Variants in FKBP11 observed in about 807,000 individuals in gnomAD.
FKBP11 encodes the protein peptidyl-prolyl cis-trans isomerase FKBP11.
Under a neutral mutation model 24.7 loss-of-function variants are expected in FKBP11, and 21 were observed. That is an observed-to-expected ratio of 0.85 (90% CI 0.60 to 1.23). The LOEUF (loss-of-function observed/expected upper bound fraction) is 1.23. FKBP11 is among the 50% of genes most tolerant of loss of function. The pLI, the probability that FKBP11 is intolerant of heterozygous loss-of-function variation, is 0.00. For synonymous variants in FKBP11, 106 were observed against 100.6 expected (o/e 1.05, Z -0.32); for missense variants, 245 against 248.7 (o/e 0.99, Z 0.10).
At chr12:48,932,246 T>TAC in the FKBP11 span, among the ~76,000 whole-genome samples, 11 of 35,880 alleles carry the variant, frequency 3.1e-4, no homozygotes, top group Non-Finnish European at 6.0e-4. Context: ...TATATATATA[T>TAC]ATATATATAT....
upstream of FKBP11, among the ~76,000 whole-genome samples, chr12:48,931,128 T>TA (rs35482677): frequency 0.046 from 1,648 of 36,124 alleles, 316 homozygotes; most frequent in Middle Eastern, 0.19. Context: ...GACTCCAGCT[T>TA]AAAAAAAAAA....
At chr12:48,934,875 G>A in the FKBP11 span, among the ~76,000 whole-genome samples, 1 of 151,958 alleles carries the variant, frequency 6.6e-6, no homozygotes, top group Non-Finnish European at 1.5e-5. Flanking sequence ...AGCCGGGTGT[G>A]GTGGCGCATG....
chr12:48,928,525 G>T (rs1179776602), upstream of FKBP11, among the ~76,000 whole-genome samples: 1 of 152,084 alleles, frequency 6.6e-6, no homozygotes, highest in Non-Finnish European at 1.5e-5. Context: ...TCTTGCCCAG[G>T]CTGGAGTGTA....
At chr12:48,924,986 CGT>C in intron 2 of FKBP11, 58 bp downstream of exon 2, 1 of 1,559,540 alleles carries the variant, frequency 6.4e-7, no homozygotes, top group Non-Finnish European at 8.7e-7. Context: ...CCAAAGCTGA[CGT>C]GTTTCAGCAG....
the FKBP11 span, among the ~76,000 whole-genome samples, chr12:48,935,330 C>T: frequency 6.6e-6 from 1 of 152,260 alleles, no homozygotes; most frequent in South Asian, 2.1e-4. Flanking sequence ...AAATTATATG[C>T]TTCACACTGG....
chr12:48,922,419 G>T, intron 5 of FKBP11: 1 of 703,826 alleles, frequency 1.4e-6, no homozygotes, highest in Non-Finnish European at 2.1e-6. Flanking sequence ...CATGTGGCTT[G>T]GGTCCAGTGA....
the FKBP11 span, chr12:48,936,226 A>T: frequency 6.6e-6 from 1 of 152,670 alleles, no homozygotes; most frequent in Non-Finnish European, 1.5e-5. Context: ...AACAAGTTTA[A>T]TTTCCAACCA....
chr12:48,930,121 G>A (rs1484535446), upstream of FKBP11, among the ~76,000 whole-genome samples: 1 of 152,168 alleles, frequency 6.6e-6, no homozygotes, highest in East Asian at 1.9e-4. Flanking sequence ...ATTCTAGACA[G>A]TATGTTTTAC....
upstream of FKBP11, among the ~76,000 whole-genome samples, chr12:48,929,119 G>T (rs1042429277): frequency 6.6e-6 from 1 of 150,718 alleles, no homozygotes; most frequent in African/African-American, 2.4e-5. Flanking sequence ...GAGCCACCGC[G>T]CCCGGCCTTT....
intron 4 of FKBP11, 84 bp from the exon 5 acceptor site, chr12:48,923,936 C>T (rs776503602): frequency 7.4e-7 from 1 of 1,354,732 alleles, no homozygotes; most frequent in African/African-American, 1.4e-5. Flanking sequence ...TTCAGCAAAA[C>T]CCCCTGAATC....
upstream of FKBP11, among the ~76,000 whole-genome samples, chr12:48,928,853 G>A (rs1940014439): frequency 9.0e-6 from 1 of 110,864 alleles, no homozygotes; most frequent in African/African-American, 3.6e-5. Context: ...GACAGAGTCT[G>A]ACTCTGTTGC....
intron 5 of FKBP11, 76 bp from the exon 6 acceptor site, chr12:48,922,277 G>A: frequency 4.4e-6 from 6 of 1,376,688 alleles, no homozygotes; most frequent in Non-Finnish European, 6.0e-6. Context: ...TGAAAATAGG[G>A]AGCGTAGGCC....
At position 48,922,111 on chromosome 12, in the gene FKBP11, A is replaced by C; in HGVS notation, c.479T>G (p.Val160Gly). Residue 160 changes from valine (V) to glycine (G), a missense_variant, in exon 6 of 6, where the codon GTA (valine) becomes GGA (glycine). Val to Gly is a moderately radical substitution (Grantham distance 109). Transcript: ENST00000550765. ...GAGGGCTGGCACCATGGCCATCCCTACCAGAGGCAAAATGCCCTTCACCAG... is the reference window on the plus strand; with the variant it reads ...GAGGGCTGGCACCATGGCCATCCCTCCCAGAGGCAAAATGCCCTTCACCAG... ...LKLVKGILPL[V>G]GMAMVPALLG... 1 of 1,614,202 alleles carries C rather than the reference A, an allele frequency of 6.2e-7. No individual in the cohort carries two copies. Among genetic ancestry groups the C allele is most frequent in the East Asian group, 2.2e-5 (1 of 44,884 alleles).
At chr12:48,931,477 G>C in the FKBP11 span, 4 of 1,535,756 alleles carry the variant, frequency 2.6e-6, no homozygotes, top group South Asian at 4.8e-5. Flanking sequence ...GATCAAGTTA[G>C]AAGAAATCCA....
the FKBP11 span, among the ~76,000 whole-genome samples, chr12:48,932,902 C>T: frequency 1.3e-5 from 2 of 152,120 alleles, no homozygotes; most frequent in African/African-American, 4.8e-5. Flanking sequence ...AGGAAGGGTA[C>T]ATGGGTAGAA....
At chr12:48,936,696 T>G in the FKBP11 span, 1 of 152,144 alleles carries the variant, frequency 6.6e-6, no homozygotes, top group Non-Finnish European at 1.5e-5. Flanking sequence ...GAAAACCTAT[T>G]TAGGACTGAC....
chr12:48,925,597 A>G, upstream of FKBP11: 1 of 875,218 alleles, frequency 1.1e-6, no homozygotes, highest in Non-Finnish European at 1.7e-6. Context: ...CACCTCCGAA[A>G]GGGAGGAGGC....
At chr12:48,923,090 G>GT (rs1345776201) in intron 5 of FKBP11, 1 of 969,578 alleles carries the variant, frequency 1.0e-6, no homozygotes, top group East Asian at 7.0e-5. Context: ...GGAGGTTGTG[G>GT]TGAGTGAAGA....
upstream of FKBP11, among the ~76,000 whole-genome samples, chr12:48,929,699 C>G (rs1244095905): frequency 6.6e-6 from 1 of 152,194 alleles, no homozygotes; most frequent in South Asian, 2.1e-4. Flanking sequence ...TCATGTTTCT[C>G]ATTTCTAAAT....
Sources: allele counts gnomAD v4.1 joint callset (sites outside exome capture counted in the v4.1 genomes callset), GRCh38; gene constraint gnomAD v4.1.1; transcripts MANE v1.5; gene names NCBI Gene and HGNC (gene_info 2026-07-23, HGNC 2026-07-21).